Variants in ZNF385B observed in about 807,000 individuals in gnomAD.
The protein encoded by ZNF385B is zinc finger protein 385B.
Under a neutral mutation model 39.2 loss-of-function variants are expected in ZNF385B, and 23 were observed. That is an observed-to-expected ratio of 0.59 (90% CI 0.42 to 0.83). The LOEUF is 0.83. Ranked by LOEUF, ZNF385B falls within the 40% of genes least tolerant of loss-of-function variation. The pLI, the probability that ZNF385B is intolerant of heterozygous loss-of-function variation, is 0.00. For synonymous variants in ZNF385B, 205 were observed against 222.6 expected, an observed-to-expected ratio of 0.92 and a Z score of 0.70; for missense variants, 552 against 598.9, an observed-to-expected ratio of 0.92 and a Z score of 0.82.
At chr2:179,737,568 T>A (rs111227715) in intron 3 of ZNF385B, among the ~76,000 whole-genome samples, 1 of 152,152 alleles carries the variant, frequency 6.6e-6, no homozygotes, top group South Asian at 2.1e-4. Flanking sequence ...CATCTATGAT[T>A]GAAAAAAGAA....
At chr2:179,549,833 G>A (rs1395271630) in intron 3 of ZNF385B, among the ~76,000 whole-genome samples, 1 of 149,148 alleles carries the variant, frequency 6.7e-6, no homozygotes, top group Non-Finnish European at 1.5e-5. Flanking sequence ...GGAAGACAGA[G>A]TAGCATTCAG....
chr2:179,550,664 T>C (rs1319324187), intron 3 of ZNF385B, among the ~76,000 whole-genome samples: 2 of 149,756 alleles, frequency 1.3e-5, no homozygotes, highest in Non-Finnish European at 3.0e-5. Flanking sequence ...TTTTAAAACC[T>C]ACTTTTTAAT....
chr2:179,481,237 T>G (rs1192574418), intron 6 of ZNF385B: 2 of 152,198 alleles, frequency 1.3e-5, no homozygotes, highest in Non-Finnish European at 2.9e-5. Flanking sequence ...AATGAAAGCC[T>G]TGAATCCTTA....
chr2:179,484,174 A>G (rs1286695389), intron 5 of ZNF385B, among the ~76,000 whole-genome samples: 1 of 152,142 alleles, frequency 6.6e-6, no homozygotes, highest in African/African-American at 2.4e-5. Flanking sequence ...CAAAACACAA[A>G]AACAAATTAC....
At chr2:179,747,239 T>C (rs1348191628) in intron 3 of ZNF385B, among the ~76,000 whole-genome samples, 1 of 152,108 alleles carries the variant, frequency 6.6e-6, no homozygotes, top group Admixed American at 6.6e-5. Flanking sequence ...CACAGCACTC[T>C]CATGGGCATT....
At chr2:179,447,680 C>A (rs895327453) in intron 6 of ZNF385B, among the ~76,000 whole-genome samples, 8 of 152,088 alleles carry the variant, frequency 5.3e-5, no homozygotes, top group African/African-American at 1.9e-4. Context: ...TAGAAAATGT[C>A]TATAGATATG....
chr2:179,451,755 T>A (rs2050179168), intron 6 of ZNF385B, among the ~76,000 whole-genome samples: 1 of 152,158 alleles, frequency 6.6e-6, no homozygotes, highest in Admixed American at 6.6e-5. Context: ...AATAGTGGCA[T>A]TCTTTCTCAA....
At chr2:179,680,223 CA>C (rs1697394994) in intron 3 of ZNF385B, among the ~76,000 whole-genome samples, 1 of 151,758 alleles carries the variant, frequency 6.6e-6, no homozygotes, top group Non-Finnish European at 1.5e-5. Flanking sequence ...CCACTTTTGA[CA>C]AAAAAGCTTA....
At chr2:179,845,425 A>C (rs565103951) in intron 1 of ZNF385B, among the ~76,000 whole-genome samples, 2 of 152,330 alleles carry the variant, frequency 1.3e-5, no homozygotes, top group Middle Eastern at 6.8e-3. Context: ...TAGCGTAGGC[A>C]GTTCAACCCA....
intron 3 of ZNF385B, among the ~76,000 whole-genome samples, chr2:179,589,904 G>T (rs755043215): frequency 1.3e-5 from 2 of 152,172 alleles, no homozygotes; most frequent in Admixed American, 6.5e-5. Flanking sequence ...TTTTTCTTTT[G>T]TGAGGCAGAT....
Position 179,825,486 on chromosome 2 carries a change from TCTC to T in ZNF385B, c.-155+35612_-155+35614del, listed in dbSNP as rs139683404. 1.4e-3 allele frequency among the ~76,000 whole-genome samples: 217 copies of T among 152,322 alleles called. 1 individual carries two copies. Among genetic ancestry groups the T allele is most frequent in the Non-Finnish European group, 1.8e-3 (125 of 68,020 alleles). On this transcript the variant is annotated intron_variant, in intron 1 of 9. Transcript: ENST00000410066. Reference sequence around the variant, plus strand: ...TGTGTTACTACAGAAACACAATTCTTCTCCTTCTAAAGAATAAAGATTAACAAA... The same window carrying T: ...TGTGTTACTACAGAAACACAATTCTTCTTCTAAAGAATAAAGATTAACAAA...
chr2:179,665,819 TTTTTC>T (rs1575143409), intron 3 of ZNF385B, among the ~76,000 whole-genome samples: 1 of 151,940 alleles, frequency 6.6e-6, no homozygotes, highest in Admixed American at 6.5e-5. Flanking sequence ...ATCTTTTTTT[TTTTTC>T]TTTTCATTTA....
chr2:179,824,129 G>A (rs1344988282), intron 1 of ZNF385B, among the ~76,000 whole-genome samples: 2 of 152,112 alleles, frequency 1.3e-5, no homozygotes, highest in Non-Finnish European at 2.9e-5. Context: ...ACTACTTCCA[G>A]CAGGAAAGTC....
At chr2:179,612,915 T>C (rs1197822991) in intron 3 of ZNF385B, among the ~76,000 whole-genome samples, 1 of 152,192 alleles carries the variant, frequency 6.6e-6, no homozygotes, top group Non-Finnish European at 1.5e-5. Flanking sequence ...TGGTGTTCTA[T>C]GCTATGAGGC....
chr2:179,667,684 C>T (rs950209765), intron 3 of ZNF385B, among the ~76,000 whole-genome samples: 1 of 152,160 alleles, frequency 6.6e-6, no homozygotes, highest in Non-Finnish European at 1.5e-5. Flanking sequence ...AAGCTCTGAA[C>T]AGCTTCATTG....
chr2:179,785,353 C>T (rs1001979566), intron 1 of ZNF385B, among the ~76,000 whole-genome samples: 1 of 151,922 alleles, frequency 6.6e-6, no homozygotes, highest in Non-Finnish European at 1.5e-5. Flanking sequence ...ATAAACTATA[C>T]TTCAATAAAA....
intron 1 of ZNF385B, among the ~76,000 whole-genome samples, chr2:179,853,961 G>A (rs80275420): frequency 0.015 from 2,303 of 152,218 alleles, 53 homozygotes; most frequent in African/African-American, 0.052. Flanking sequence ...AGTGCATCAC[G>A]TGCAGGGACT....
intron 3 of ZNF385B, among the ~76,000 whole-genome samples, chr2:179,717,839 G>A (rs975689306): frequency 1.3e-5 from 2 of 152,158 alleles, no homozygotes; most frequent in Admixed American, 1.3e-4. Flanking sequence ...AAAGCGAAAA[G>A]CATAGGACAT....
intron 3 of ZNF385B, among the ~76,000 whole-genome samples, chr2:179,632,106 A>T (rs1691281005): frequency 6.6e-6 from 1 of 152,140 alleles, no homozygotes; most frequent in South Asian, 2.1e-4. Flanking sequence ...ATAATGAGAG[A>T]CTTTAACACC....
Sources: gnomAD v4.1 joint callset for allele counts (sites outside exome capture counted in the v4.1 genomes callset) on GRCh38, gnomAD v4.1.1 for gene constraint, MANE v1.5 for transcripts, NCBI Gene and HGNC (gene_info 2026-07-23, HGNC 2026-07-21) for gene names.